EYS: variants seen among roughly 807,000 people sequenced by gnomAD.
EYS encodes protein eyes shut homolog.
In EYS, 250 loss-of-function variants were observed where a neutral mutation model predicts 282.1. That is an observed-to-expected ratio of 0.89 (90% CI 0.80 to 0.98). The LOEUF (loss-of-function observed/expected upper bound fraction) is 0.98, where lower values mean the gene tolerates loss of function less well. Ranked by LOEUF, EYS falls within the 50% of genes least tolerant of loss-of-function variation. The pLI, the probability that EYS is intolerant of heterozygous loss-of-function variation, is 0.00. For missense variants in EYS, 4,016 were observed against 3,709.0 expected, an observed-to-expected ratio of 1.08 and a Z score of -2.15; for synonymous variants, 1,355 against 1,282.9, an observed-to-expected ratio of 1.06 and a Z score of -1.20.
chr6:63,909,907 G>A (rs1431429497), intron 35 of EYS, among the ~76,000 whole-genome samples: 1 of 152,132 alleles, frequency 6.6e-6, no homozygotes, highest in African/African-American at 2.4e-5. Context: ...AGATGTCAAT[G>A]TTGTGTATTG....
intron 14 of EYS, among the ~76,000 whole-genome samples, chr6:64,967,328 A>ATTTTT (rs573625686): frequency 7.0e-6 from 1 of 143,240 alleles, no homozygotes; most frequent in African/African-American, 2.6e-5. Context: ...TCAAAACTCC[A>ATTTTT]TTTTTTTTTT....
At chr6:65,694,106 A>T (rs1769345351) in intron 1 of EYS, among the ~76,000 whole-genome samples, 1 of 150,092 alleles carries the variant, frequency 6.7e-6, no homozygotes. Context: ...AAAATTAGCC[A>T]GGCGTGGTGG....
intron 31 of EYS, among the ~76,000 whole-genome samples, chr6:64,163,428 A>G (rs1317307310): frequency 6.6e-6 from 1 of 152,124 alleles, no homozygotes; most frequent in Non-Finnish European, 1.5e-5. Context: ...ACTCTTTGCA[A>G]TATTCTGACA....
rs889775158 is a variant in EYS, at chr6:65,504,555, T to G, written c.-332-8562A>C. Among the ~76,000 whole-genome samples the G allele has an allele frequency of 1.1e-4, 16 of 151,678 alleles. 1 individual carries two copies. The highest frequency in any genetic ancestry group is 3.3e-4 in the Admixed American group (5 of 15,188). ...GATTTTACAGATGTTCTTTACTAAA[T>G]TGCTGTTTTTCTCCTCTATTTTTGG... On this transcript the variant is annotated intron_variant, in intron 2 of 42. Transcript: ENST00000503581.
intron 31 of EYS, among the ~76,000 whole-genome samples, chr6:64,186,024 C>A (rs1582397690): frequency 6.6e-6 from 1 of 152,084 alleles, no homozygotes; most frequent in African/African-American, 2.4e-5. Context: ...AAAATACTCA[C>A]ATACTTCTCA....
intron 13 of EYS, among the ~76,000 whole-genome samples, chr6:65,042,182 C>T (rs990730661): frequency 6.6e-5 from 10 of 151,446 alleles, no homozygotes; most frequent in Admixed American, 1.3e-4. Flanking sequence ...GAATATAGAT[C>T]ATCACATTTT....
chr6:65,136,489 T>C (rs1561984304), intron 12 of EYS, among the ~76,000 whole-genome samples: 1 of 152,074 alleles, frequency 6.6e-6, no homozygotes, highest in Non-Finnish European at 1.5e-5. Flanking sequence ...ACTTCAGATA[T>C]GTGATATTTC....
At chr6:65,126,559 G>T (rs567384770) in intron 12 of EYS, among the ~76,000 whole-genome samples, 6 of 152,086 alleles carry the variant, frequency 3.9e-5, no homozygotes, top group Non-Finnish European at 8.8e-5. Flanking sequence ...GAGGCAGAAG[G>T]CATTATTAAA....
chr6:65,541,658 CA>C (rs71553518), intron 2 of EYS, among the ~76,000 whole-genome samples: 17,718 of 151,898 alleles, frequency 0.12, 1,104 homozygotes, highest in South Asian at 0.19. Context: ...CATTTTTCCC[CA>C]AGGGTTGATA....
At chr6:64,808,995 T>G (rs1764515575) in intron 22 of EYS, among the ~76,000 whole-genome samples, 1 of 152,086 alleles carries the variant, frequency 6.6e-6, no homozygotes. Context: ...CCACAACACA[T>G]GTAGTAAAAA....
chr6:64,288,791 A>G (rs1004000621), intron 30 of EYS, among the ~76,000 whole-genome samples: 2 of 152,096 alleles, frequency 1.3e-5, no homozygotes, highest in Admixed American at 6.6e-5. Context: ...CTGAAACTGA[A>G]GTAAAAATTC....
chr6:64,168,670 C>T (rs1442115116), intron 31 of EYS, among the ~76,000 whole-genome samples: 1 of 151,990 alleles, frequency 6.6e-6, no homozygotes, highest in African/African-American at 2.4e-5. Context: ...TTGTACAATT[C>T]CATTTTATGA....
intron 24 of EYS, among the ~76,000 whole-genome samples, chr6:64,601,802 C>T (rs1051939423): frequency 1.2e-4 from 18 of 151,976 alleles, no homozygotes; most frequent in Non-Finnish European, 1.9e-4. Flanking sequence ...TCAACCTAAC[C>T]TGACCCTGTT....
rs1770439294 is a variant in EYS at position 63,788,995 on chromosome 6, C to G, written c.7578+63G>C. 8.0e-6 allele frequency: 12 copies of G among 1,500,554 alleles called. No homozygotes were observed. In the South Asian group the frequency reaches 1.4e-4, roughly 18 times the overall value. The allele number at this position is 1,500,554 out of a possible 1,614,324, so 93.0% of individuals were successfully genotyped here. ...TGGGCTATTCACCTCTGTATCTTAG[C>G]ACAGATCTGACAATATACTAGTGCT... On this transcript the variant is annotated intron_variant, in intron 38 of 42. Coordinates refer to ENST00000503581, the MANE Select transcript of EYS (RefSeq NM_001142800.2).
Position 65,535,027 on chromosome 6 carries a change from G to A in EYS, c.-332-39034C>T, listed in dbSNP as rs577292780. On this transcript the variant is annotated intron_variant, in intron 2 of 42. Coordinates refer to ENST00000503581, the MANE Select transcript of EYS (RefSeq NM_001142800.2). ...GCTTGTATTAGTCAGGGTTCTCCAGGAAAACAAAAGCAATAGGAGATATTT... is the reference window on the plus strand; with the variant it reads ...GCTTGTATTAGTCAGGGTTCTCCAGAAAAACAAAAGCAATAGGAGATATTT... 4.6e-5 allele frequency among the ~76,000 whole-genome samples: 7 copies of A among 152,260 alleles called. No homozygotes were observed. The South Asian group carries it at 1.4e-3, about 32-fold the overall frequency.
At chr6:64,924,838 A>G (rs546761288) in intron 15 of EYS, among the ~76,000 whole-genome samples, 1 of 152,272 alleles carries the variant, frequency 6.6e-6, no homozygotes, top group Admixed American at 6.5e-5. Context: ...TGTCCATATC[A>G]CTATCAGCAT....
intron 22 of EYS, 104 bp from the exon 23 acceptor site, chr6:64,626,349 A>G (rs1196545479): frequency 1.5e-6 from 2 of 1,370,636 alleles, no homozygotes; most frequent in African/African-American, 1.5e-5. Context: ...CAGAGCTCCA[A>G]CAACATGTAG....
intron 19 of EYS, among the ~76,000 whole-genome samples, chr6:64,884,107 C>G (rs113793880): frequency 0.012 from 1,831 of 151,568 alleles, 17 homozygotes; most frequent in Non-Finnish European, 0.019. Flanking sequence ...AAAGAATGCT[C>G]TGATTTAGAT....
At chr6:65,387,168 C>A (rs1765831307) in intron 7 of EYS, among the ~76,000 whole-genome samples, 1 of 151,822 alleles carries the variant, frequency 6.6e-6, no homozygotes, top group Non-Finnish European at 1.5e-5. Context: ...AGTTAATTAG[C>A]TTTATTTCTT....
Sources: allele counts gnomAD v4.1 joint callset (sites outside exome capture counted in the v4.1 genomes callset), GRCh38; gene constraint gnomAD v4.1.1; transcripts MANE v1.5; gene names NCBI Gene and HGNC (gene_info 2026-07-23, HGNC 2026-07-21).